CDK17: variants seen among roughly 807,000 people sequenced by gnomAD.
CDK17 encodes cyclin dependent kinase 17, also known as cyclin-dependent kinase 17.
Under a neutral mutation model 77.6 loss-of-function variants are expected in CDK17, and 24 were observed. That is an observed-to-expected ratio of 0.31 (90% CI 0.22 to 0.44). CDK17 has a LOEUF of 0.44. CDK17 is among the 20% of genes least tolerant of loss of function. The pLI, the probability that CDK17 is intolerant of heterozygous loss-of-function variation, is 1.00. For missense variants in CDK17, 429 were observed against 622.5 expected, an observed-to-expected ratio of 0.69 and a Z score of 3.31; for synonymous variants, 203 against 210.4, an observed-to-expected ratio of 0.96 and a Z score of 0.30.
At chr12:96,281,391 C>T (rs1015935879) in intron 15 of CDK17, among the ~76,000 whole-genome samples, 15 of 152,192 alleles carry the variant, frequency 9.9e-5, no homozygotes, top group Non-Finnish European at 1.8e-4. Context: ...CTTTTTGAGA[C>T]GGAGTCTCAC....
At chr12:96,388,311 C>T (rs1954010704) in intron 1 of CDK17, among the ~76,000 whole-genome samples, 1 of 152,144 alleles carries the variant, frequency 6.6e-6, no homozygotes, top group South Asian at 2.1e-4. Context: ...AGATTATGAC[C>T]TATTTATTCC....
chr12:96,376,051 CT>C (rs1555206728), intron 1 of CDK17, among the ~76,000 whole-genome samples: 1 of 152,098 alleles, frequency 6.6e-6, no homozygotes, highest in Non-Finnish European at 1.5e-5. Flanking sequence ...AGAACTGAAA[CT>C]GTCTACACCA....
intron 1 of CDK17, among the ~76,000 whole-genome samples, chr12:96,354,130 C>T (rs56023660): frequency 0.22 from 32,827 of 152,000 alleles, 4,415 homozygotes; most frequent in Middle Eastern, 0.33. Context: ...CAACCTGGGC[C>T]AAGCAATTTA....
chr12:96,363,379 A>G (rs906222230), intron 1 of CDK17, among the ~76,000 whole-genome samples: 3 of 148,482 alleles, frequency 2.0e-5, no homozygotes, highest in African/African-American at 7.5e-5. Context: ...TGAACCCAGG[A>G]GGCAGAGGTT....
intron 4 of CDK17, among the ~76,000 whole-genome samples, chr12:96,311,982 TA>T (rs1471913851): frequency 3.3e-5 from 5 of 152,114 alleles, no homozygotes; most frequent in African/African-American, 1.2e-4. Flanking sequence ...AGAAAGAGTA[TA>T]TGTGTATATG....
intron 1 of CDK17, among the ~76,000 whole-genome samples, chr12:96,353,005 A>G (rs1953333721): frequency 6.6e-6 from 1 of 152,230 alleles, no homozygotes. Context: ...TACTATTAAT[A>G]GTTTGGTCAA....
intron 5 of CDK17, among the ~76,000 whole-genome samples, chr12:96,306,680 TG>T (rs1330328353): frequency 1.3e-5 from 2 of 152,142 alleles, no homozygotes; most frequent in African/African-American, 4.8e-5. Flanking sequence ...CTGATCTCTT[TG>T]AAAAAACTTT....
chr12:96,390,525 A>G (rs1214206364), intron 1 of CDK17, among the ~76,000 whole-genome samples: 1 of 149,416 alleles, frequency 6.7e-6, no homozygotes, highest in East Asian at 2.0e-4. Flanking sequence ...CCTGCCCAAC[A>G]TGGTGAAACA....
chr12:96,368,810 G>GGGGTGGGGGT (rs1953638551), intron 1 of CDK17, among the ~76,000 whole-genome samples: 1 of 10,390 alleles, frequency 9.6e-5, no homozygotes, highest in African/African-American at 2.5e-4. Context: ...CTAAGACGGG[G>GGGGTGGGGGT]GGGGGGGGGG....
intron 1 of CDK17, among the ~76,000 whole-genome samples, chr12:96,349,795 T>C (rs1299470289): frequency 6.6e-6 from 1 of 152,020 alleles, no homozygotes; most frequent in African/African-American, 2.4e-5. Context: ...AAAAGAAATA[T>C]AAGGCAGCCA....
intron 1 of CDK17, 94 bp downstream of exon 1, chr12:96,399,892 C>A: frequency 3.2e-6 from 1 of 314,254 alleles, no homozygotes; most frequent in Non-Finnish European, 5.8e-6. Flanking sequence ...CCCCAGTAGC[C>A]CCCGCCCCCG....
chr12:96,352,574 T>A (rs1043937753), intron 1 of CDK17, among the ~76,000 whole-genome samples: 5 of 152,158 alleles, frequency 3.3e-5, no homozygotes, highest in African/African-American at 1.2e-4. Flanking sequence ...AGTGTCCTCA[T>A]CCTGCCTTCA....
At chr12:96,309,462 A>G (rs1158795009) in intron 5 of CDK17, among the ~76,000 whole-genome samples, 1 of 152,228 alleles carries the variant, frequency 6.6e-6, no homozygotes, top group Non-Finnish European at 1.5e-5. Context: ...TCACATAAAC[A>G]ATCACCTGAA....
intron 1 of CDK17, among the ~76,000 whole-genome samples, chr12:96,369,853 G>A (rs1350258187): frequency 6.6e-6 from 1 of 152,160 alleles, no homozygotes; most frequent in Non-Finnish European, 1.5e-5. Context: ...GGCTGAGGTG[G>A]GCGGATCACG....
intron 12 of CDK17, 92 bp downstream of exon 12, chr12:96,286,572 T>A (rs977334668): frequency 1.2e-6 from 1 of 829,892 alleles, no homozygotes; most frequent in African/African-American, 1.7e-5. Flanking sequence ...AGTCTCAGTA[T>A]CTAATTTTAA....
intron 1 of CDK17, among the ~76,000 whole-genome samples, chr12:96,350,598 G>C (rs138260016): frequency 0.01 from 1,597 of 152,228 alleles, 48 homozygotes; most frequent in Admixed American, 0.064. Flanking sequence ...TTTGACAAAG[G>C]TACCAGGACC....
Position 96,289,307 on chromosome 12 carries a change from C to T in CDK17, c.998-20G>A. ...CTAGTCCTTCATAGGGAAAATAAAA[C>T]AAAGGGTTAAGAAAAAGCTTTAATG... is the stretch of plus-strand genomic sequence containing the variant. On this transcript the variant is annotated intron_variant, in intron 10 of 16. Coordinates refer to ENST00000261211, the MANE Select transcript of CDK17 (RefSeq NM_002595.5). 6.2e-7 allele frequency: 1 copy of T among 1,613,218 alleles called. No homozygotes were observed. The highest frequency in any genetic ancestry group is 2.2e-5 in the East Asian group (1 of 44,862).
At chr12:96,294,336 A>C (rs1418152309) in intron 10 of CDK17, among the ~76,000 whole-genome samples, 1 of 152,144 alleles carries the variant, frequency 6.6e-6, no homozygotes, top group East Asian at 1.9e-4. Flanking sequence ...TCATGCCTGT[A>C]ATCTCAGCAC....
At chr12:96,377,342 A>G (rs948517847) in intron 1 of CDK17, among the ~76,000 whole-genome samples, 8 of 152,206 alleles carry the variant, frequency 5.3e-5, no homozygotes, top group Non-Finnish European at 7.3e-5. Context: ...CATAATCTAA[A>G]ATATACATAT....
Sources: gnomAD v4.1 joint callset for allele counts (sites outside exome capture counted in the v4.1 genomes callset) on GRCh38, gnomAD v4.1.1 for gene constraint, MANE v1.5 for transcripts, NCBI Gene and HGNC (gene_info 2026-07-23, HGNC 2026-07-21) for gene names.